Variants in AGBL1 observed in about 807,000 individuals in gnomAD.
AGBL1 encodes the protein AGBL carboxypeptidase 1.
Under a neutral mutation model 118.9 loss-of-function variants are expected in AGBL1, and 130 were observed. The ratio of observed to expected loss-of-function variants is 1.09; its 90% CI spans 0.95 to 1.26. The LOEUF (loss-of-function observed/expected upper bound fraction) is 1.26, where lower values mean the gene tolerates loss of function less well. AGBL1 is among the 50% of genes most tolerant of loss of function. The pLI, the probability that AGBL1 is intolerant of heterozygous loss-of-function variation, is 0.00. For missense variants in AGBL1, 1,584 were observed against 1,298.1 expected (o/e 1.22, Z -3.38); for synonymous variants, 555 against 478.9 (o/e 1.16, Z -2.08).
intron 21 of AGBL1, among the ~76,000 whole-genome samples, chr15:86,660,234 A>G (rs1002880063): frequency 7.2e-5 from 11 of 151,990 alleles, no homozygotes; most frequent in African/African-American, 2.7e-4. Flanking sequence ...ACAGGGGCCG[A>G]TTGACCGGGG....
Position 86,987,872 on chromosome 15 carries a change from A to G in AGBL1, c.3222-115A>G, listed in dbSNP as rs537262226. The G allele has an allele frequency of 8.1e-6, 10 of 1,241,838 alleles. No individual in the cohort carries two copies. In the East Asian group the frequency reaches 1.7e-4, roughly 22 times the overall value. 76.9% of individuals were successfully genotyped at this position (1,241,838 alleles called of 1,614,324 possible). A position where few individuals can be genotyped will look rare whatever the true frequency, so the allele number is the denominator to read the frequency against. ...GCTGGTATCTTACTATATATATCCT[A>G]TTAAAGTTTGTTTTTCCCACTCAAT... On this transcript the variant is annotated intron_variant, in intron 23 of 24. Transcript: ENST00000441037.
Position 86,678,896 on chromosome 15 carries a change from T to C in AGBL1, c.3158+4460T>C, listed in dbSNP as rs146734796. On this transcript the variant is annotated intron_variant, in intron 22 of 22. Coordinates refer to ENST00000614907, the MANE Select transcript of AGBL1 (RefSeq NM_001386094.1). ...AGTAATGCCGGTTTATTATATAGTA[T>C]ATACACATGCATATAACTGGGTATA... is the stretch of plus-strand genomic sequence containing the variant. Among the ~76,000 whole-genome samples the C allele has an allele frequency of 1.8e-3, 268 of 152,222 alleles. 4 individuals carry two copies. In the East Asian group the frequency reaches 0.022, roughly 12 times the overall value.
At chr15:86,697,739 A>T (rs192865438) in intron 22 of AGBL1, among the ~76,000 whole-genome samples, 12 of 151,920 alleles carry the variant, frequency 7.9e-5, no homozygotes, top group African/African-American at 2.9e-4. Context: ...AGATCTGGGG[A>T]TCAAGACTGC....
At chr15:86,803,969 A>G (rs924704166) in intron 22 of AGBL1, among the ~76,000 whole-genome samples, 2 of 152,120 alleles carry the variant, frequency 1.3e-5, no homozygotes, top group African/African-American at 4.8e-5. Context: ...ACCTTGGCAT[A>G]GGGAAAGACA....
chr15:86,264,444 A>G lies in AGBL1; in HGVS notation c.1273A>G (p.Thr425Ala). ...LLCRVKTGRS[T>A]VHLGSKKNPG... is the part of the protein sequence containing the mutation. ...GTGCAGGGTGAAGACGGGAAGGTCC[A>G]CTGTGCATCTAGGCTCCAAAAAAAA... The change falls in exon 11 of 23, where the codon ACT (threonine) becomes GCT (alanine). Residue 425 changes from threonine (T) to alanine (A), a missense_variant. By Grantham distance (58) the Thr-to-Ala change is moderately conservative. Transcript: ENST00000614907. The G allele has an allele frequency of 6.2e-7, 1 of 1,614,004 alleles. No individual in the cohort carries two copies. Among genetic ancestry groups the G allele is most frequent in the African/African-American group, 1.3e-5 (1 of 75,052 alleles).
At chr15:86,804,875 G>A (rs2078695977) in intron 22 of AGBL1, among the ~76,000 whole-genome samples, 1 of 152,108 alleles carries the variant, frequency 6.6e-6, no homozygotes, top group African/African-American at 2.4e-5. Context: ...ACAAAGAAAA[G>A]AAGCATCGGT....
At chr15:86,295,173 A>G (rs2079613478) in intron 16 of AGBL1, 82 bp from the exon 17 acceptor site, 4 of 1,474,252 alleles carry the variant, frequency 2.7e-6, no homozygotes, top group Non-Finnish European at 2.8e-6. Flanking sequence ...CTTCTAAACT[A>G]TATGTAAGCC....
At chr15:86,163,694 C>T (rs2077298340) in intron 5 of AGBL1, among the ~76,000 whole-genome samples, 1 of 151,770 alleles carries the variant, frequency 6.6e-6, no homozygotes, top group South Asian at 2.1e-4. Context: ...CACCACTGCA[C>T]TCCAGCCTGT....
At chr15:86,919,598 A>G (rs1054956110), downstream of AGBL1, among the ~76,000 whole-genome samples, 5 of 138,068 alleles carry the variant, frequency 3.6e-5, no homozygotes, top group South Asian at 2.6e-4. Context: ...ACACACACAC[A>G]CACACACACA....
intron 18 of AGBL1, among the ~76,000 whole-genome samples, chr15:86,490,144 C>T (rs2082761305): frequency 6.6e-6 from 1 of 152,048 alleles, no homozygotes; most frequent in African/African-American, 2.4e-5. Flanking sequence ...TAGCCTTCTT[C>T]CTTATCTCGT....
intron 13 of AGBL1, among the ~76,000 whole-genome samples, chr15:86,269,712 A>G (rs922968586): frequency 1.3e-5 from 2 of 152,290 alleles, no homozygotes; most frequent in Non-Finnish European, 2.9e-5. Flanking sequence ...TGACTCTTGT[A>G]ATACTAGGAA....
chr15:86,965,909 G>A (rs775380214), intron 23 of AGBL1, among the ~76,000 whole-genome samples: 15 of 152,032 alleles, frequency 9.9e-5, no homozygotes, highest in Non-Finnish European at 2.9e-5. Context: ...TGTAGATGAC[G>A]GGTTGATGGT....
intron 18 of AGBL1, among the ~76,000 whole-genome samples, chr15:86,515,485 A>G (rs1445270677): frequency 1.3e-5 from 2 of 152,128 alleles, no homozygotes; most frequent in African/African-American, 4.8e-5. Context: ...ATTTGCTTTA[A>G]TTATTATAAA....
At chr15:86,768,951 T>G (rs568531787) in intron 22 of AGBL1, among the ~76,000 whole-genome samples, 1 of 152,096 alleles carries the variant, frequency 6.6e-6, no homozygotes, top group South Asian at 2.1e-4. Context: ...GTAAAGGGTG[T>G]GAGGTTTTTA....
At chr15:86,614,722 T>C (rs368368396) in intron 21 of AGBL1, among the ~76,000 whole-genome samples, 198 of 152,348 alleles carry the variant, frequency 1.3e-3, no homozygotes, top group African/African-American at 3.7e-3. Context: ...AACAGTGTTA[T>C]TTAGAACAGT....
chr15:86,856,281 G>A (rs1385479778), intron 22 of AGBL1, among the ~76,000 whole-genome samples: 1 of 152,172 alleles, frequency 6.6e-6, no homozygotes, highest in African/African-American at 2.4e-5. Flanking sequence ...TTCTCTGAGT[G>A]TGCTTAGAAG....
At chr15:86,645,952 T>C (rs2085271551) in intron 21 of AGBL1, among the ~76,000 whole-genome samples, 1 of 152,198 alleles carries the variant, frequency 6.6e-6, no homozygotes, top group East Asian at 1.9e-4. Context: ...AGGTTTAAGC[T>C]TGACTTCTGA....
chr15:86,365,458 C>T (rs1385233596), intron 17 of AGBL1, among the ~76,000 whole-genome samples: 1 of 151,854 alleles, frequency 6.6e-6, no homozygotes, highest in Non-Finnish European at 1.5e-5. Flanking sequence ...CTTTGTTACC[C>T]AAGATGGAGG....
In AGBL1 at chr15:87,022,813, T is replaced by A. The variant is rs184097928; in HGVS notation, c.3324-6012T>A. On this transcript the variant is annotated intron_variant, in intron 24 of 24. Transcript: ENST00000441037. ...GATTGGGGCCCTATTTTCAGCTTCC[T>A]CAAACAAAACAACTATCAGCCAAGA... Among the ~76,000 whole-genome samples the A allele has an allele frequency of 4.1e-3, 628 of 152,184 alleles. 9 individuals carry two copies. Among genetic ancestry groups the A allele is most frequent in the African/African-American group, 0.015 (611 of 41,524 alleles).
Sources: gnomAD v4.1 joint callset for allele counts (sites outside exome capture counted in the v4.1 genomes callset) on GRCh38, gnomAD v4.1.1 for gene constraint, MANE v1.5 for transcripts, NCBI Gene and HGNC (gene_info 2026-07-23, HGNC 2026-07-21) for gene names.